PUS7: variants seen among roughly 807,000 people sequenced by gnomAD.
PUS7 encodes pseudouridylate synthase 7 homolog.
PUS7 carries 48 observed loss-of-function variants against 79.8 expected under a neutral mutation model. That is an observed-to-expected ratio of 0.60 (90% confidence interval 0.48 to 0.76). The LOEUF (loss-of-function observed/expected upper bound fraction) is 0.76, where lower values mean the gene tolerates loss of function less well. Ranked by LOEUF, PUS7 falls within the 30% of genes least tolerant of loss-of-function variation. The probability of loss-of-function intolerance (pLI) is 0.00; values close to 1 mark genes in which losing one functional copy is unlikely to be tolerated. For synonymous variants in PUS7, 286 were observed against 272.2 expected (o/e 1.05, Z -0.50); for missense variants, 729 against 797.6 (o/e 0.91, Z 1.04).
chr7:105,490,441 A>G (rs1253557917), intron 7 of PUS7, among the ~76,000 whole-genome samples: 1 of 152,066 alleles, frequency 6.6e-6, no homozygotes, highest in Admixed American at 6.6e-5. Flanking sequence ...CTTCACTGTG[A>G]CTAACTGGGT....
Position 105,508,537 on chromosome 7 carries a change from A to G in PUS7, c.-25T>C. ...TCTTTAAGGCTCCAAGAAAACATTT[A>G]AGAAAACCTGTTAGGAAAGAGTAGA... On this transcript the variant is annotated 5_prime_UTR_variant, in exon 2 of 16. Transcript: ENST00000469408. The G allele has an allele frequency of 6.3e-7, 1 of 1,596,490 alleles. No homozygotes were observed. Among genetic ancestry groups the G allele is most frequent in the East Asian group, 2.2e-5 (1 of 44,756 alleles).
rs1288135688 is a variant in PUS7 at position 105,515,133 on chromosome 7, A to G, written c.-32-6589T>C. On this transcript the variant is annotated intron_variant, in intron 1 of 15. Coordinates refer to ENST00000469408, the MANE Select transcript of PUS7 (RefSeq NM_019042.5). ...ATTCTTAATTAATGACCCTTGTTAG[A>G]GAGGAACTTTCCCTTTGGTGTCCTG... 5.3e-5 allele frequency among the ~76,000 whole-genome samples: 8 copies of G among 152,164 alleles called. 1 individual carries two copies. The East Asian group carries it at 1.5e-3, about 29-fold the overall frequency.
intron 1 of PUS7, among the ~76,000 whole-genome samples, chr7:105,520,130 C>A (rs1025280828): frequency 2.6e-5 from 4 of 151,944 alleles, no homozygotes; most frequent in Non-Finnish European, 5.9e-5. Context: ...TCAAGACCAG[C>A]CTGGCCAACA....
intron 1 of PUS7, among the ~76,000 whole-genome samples, chr7:105,518,111 G>A (rs774889684): frequency 7.2e-5 from 11 of 151,944 alleles, no homozygotes; most frequent in Admixed American, 1.3e-4. Flanking sequence ...TTGCGCCACT[G>A]CACTCCAGCC....
chr7:105,458,767 G>A (rs1015942904), intron 15 of PUS7, among the ~76,000 whole-genome samples: 1 of 151,756 alleles, frequency 6.6e-6, no homozygotes, highest in South Asian at 2.1e-4. Context: ...TAGAGACGGG[G>A]TTTCACCGTG....
chr7:105,497,111 T>G, intron 5 of PUS7: 1 of 436,590 alleles, frequency 2.3e-6, no homozygotes, highest in Non-Finnish European at 3.2e-6. Flanking sequence ...AGTTATGCGG[T>G]GGGTTAACAG....
intron 7 of PUS7, 38 bp from the exon 8 acceptor site, chr7:105,482,478 A>G: frequency 6.4e-7 from 1 of 1,550,740 alleles, no homozygotes; most frequent in Non-Finnish European, 8.7e-7. Context: ...AACAAAAAAG[A>G]GTAGAAAGAG....
chr7:105,482,527 A>G, intron 7 of PUS7, 87 bp from the exon 8 acceptor site: 1 of 1,385,490 alleles, frequency 7.2e-7, no homozygotes, highest in Non-Finnish European at 9.8e-7. Flanking sequence ...AACAGTACAG[A>G]AAACAAGATA....
intron 9 of PUS7, 37 bp from the exon 10 acceptor site, chr7:105,472,230 A>G (rs749212526): frequency 1.5e-6 from 2 of 1,323,116 alleles, no homozygotes; most frequent in Admixed American, 1.8e-5. Flanking sequence ...TAAATTTTGC[A>G]TAAAGATAAA....
chr7:105,480,958 G>A (rs1824296134), intron 9 of PUS7, 94 bp downstream of exon 9: 2 of 1,387,912 alleles, frequency 1.4e-6, no homozygotes, highest in Non-Finnish European at 2.0e-6. Flanking sequence ...CCCCAGACAT[G>A]GGAGAACGTA....
At position 105,459,201 on chromosome 7, in the gene PUS7, G is replaced by A; in HGVS notation, c.1816C>T (p.Leu606=). Residue 606 remains leucine, a synonymous_variant, in exon 15 of 16, where the codon CTA becomes TTA. Transcript: ENST00000469408. ...IPLFNTDVDN[L]EGKTPPVFAS... is the part of the protein sequence containing the mutation. The stretch of plus-strand genomic sequence containing the variant: ...AAAACTGGTGGTGTCTTCCCTTCTA[G>A]GTTGTCCACATCTGTGTTGAAAAGT... 2 of 1,611,432 alleles carry A rather than the reference G, an allele frequency of 1.2e-6. No individual in the cohort carries two copies. Among genetic ancestry groups the A allele is most frequent in the East Asian group, 2.2e-5 (1 of 44,786 alleles).
In PUS7 at chr7:105,462,725, G is replaced by C. The variant is rs746888395; in HGVS notation, c.1653C>G (p.Leu551=). The C allele has an allele frequency of 1.9e-6, 3 of 1,613,324 alleles. No individual in the cohort carries two copies. Among genetic ancestry groups the C allele is most frequent in the Non-Finnish European group, 2.5e-6 (3 of 1,179,844 alleles). The change falls in exon 14 of 16, where the codon CTC becomes CTG. Residue 551 remains leucine (L), a synonymous_variant. Transcript: ENST00000469408. ...HKIQEAYREM[L]TADNLDIDNM... ...TGTCAATATCAAGATTGTCAGCTGT[G>C]AGCATTTCCCTGTAGGCTTCTTGAA...
At chr7:105,516,986 T>A (rs1825921215) in intron 1 of PUS7, among the ~76,000 whole-genome samples, 1 of 152,096 alleles carries the variant, frequency 6.6e-6, no homozygotes, top group Non-Finnish European at 1.5e-5. Context: ...TTATGCATTT[T>A]TTGACATATT....
intron 9 of PUS7, among the ~76,000 whole-genome samples, chr7:105,478,042 C>T (rs190634044): frequency 2.6e-5 from 4 of 152,270 alleles, no homozygotes; most frequent in Admixed American, 2.6e-4. Context: ...CTCCTGGCCT[C>T]AAGTGATCCT....
chr7:105,518,326 T>C (rs1205205191), intron 1 of PUS7, among the ~76,000 whole-genome samples: 1 of 151,470 alleles, frequency 6.6e-6, no homozygotes, highest in East Asian at 1.9e-4. Context: ...AAAAATAAAA[T>C]CCTTTACACC....
rs1446938044 is a variant in PUS7 at position 105,496,376 on chromosome 7, T to C, written c.731-1123A>G. Among the ~76,000 whole-genome samples the C allele has an allele frequency of 6.6e-5, 10 of 152,206 alleles. No homozygotes were observed. The South Asian group carries it at 1.9e-3, about 28-fold the overall frequency. On this transcript the variant is annotated intron_variant, in intron 5 of 15. Coordinates refer to ENST00000469408, the MANE Select transcript of PUS7 (RefSeq NM_019042.5). ...TATAGACGCTGTACAATAACATTCA[T>C]GAGTCCTGTGTGGCACAGAGCTGCA...
At chr7:105,459,567 A>G (rs530864551) in intron 14 of PUS7, among the ~76,000 whole-genome samples, 1 of 151,490 alleles carries the variant, frequency 6.6e-6, no homozygotes, top group Non-Finnish European at 1.5e-5. Flanking sequence ...TCTCACAAGT[A>G]GCTGGGACTA....
intron 5 of PUS7, among the ~76,000 whole-genome samples, chr7:105,496,214 T>TAGAGAGAGAGAG (rs1441042128): frequency 1.4e-5 from 1 of 71,772 alleles, no homozygotes; most frequent in Non-Finnish European, 2.6e-5. Context: ...TATATATATA[T>TAGAGAGAGAGAG]ATATATATAT....
At chr7:105,501,982 A>G (rs917022908) in intron 5 of PUS7, among the ~76,000 whole-genome samples, 8 of 147,528 alleles carry the variant, frequency 5.4e-5, no homozygotes, top group African/African-American at 2.0e-4. Flanking sequence ...ATATATATAT[A>G]TATATATATA....
Sources: gnomAD v4.1 joint callset for allele counts (sites outside exome capture counted in the v4.1 genomes callset) on GRCh38, gnomAD v4.1.1 for gene constraint, MANE v1.5 for transcripts, NCBI Gene and HGNC (gene_info 2026-07-23, HGNC 2026-07-21) for gene names.